PRELID2: variants seen among roughly 807,000 people sequenced by gnomAD.
The protein encoded by PRELID2 is PRELI domain-containing protein 2.
Under a neutral mutation model 28.4 loss-of-function variants are expected in PRELID2, and 25 were observed. The observed-to-expected ratio is 0.88, with a 90% confidence interval of 0.64 to 1.23. The LOEUF (loss-of-function observed/expected upper bound fraction) is 1.23. PRELID2 is among the 50% of genes most tolerant of loss of function. The pLI, the probability that PRELID2 is intolerant of heterozygous loss-of-function variation, is 0.00. For synonymous variants in PRELID2, 76 were observed against 71.6 expected (o/e 1.06, Z -0.31); for missense variants, 201 against 214.4 (o/e 0.94, Z 0.39).
chr5:145,637,160 G>T (rs1338390809), intron 1 of PRELID2, among the ~76,000 whole-genome samples: 1 of 151,982 alleles, frequency 6.6e-6, no homozygotes, highest in Non-Finnish European at 1.5e-5. Flanking sequence ...CAGTTCTAAA[G>T]GTCTTCAGGT....
At chr5:145,623,875 G>A (rs1561523485) in intron 1 of PRELID2, among the ~76,000 whole-genome samples, 1 of 152,120 alleles carries the variant, frequency 6.6e-6, no homozygotes, top group Non-Finnish European at 1.5e-5. Flanking sequence ...TGTCTGCCAG[G>A]AGTTAGCATC....
the PRELID2 span, among the ~76,000 whole-genome samples, chr5:145,370,646 A>G: frequency 6.6e-6 from 1 of 152,070 alleles, no homozygotes; most frequent in Non-Finnish European, 1.5e-5. Flanking sequence ...TAGTTTTTCT[A>G]ATTCTGCGAA....
intron 1 of PRELID2, among the ~76,000 whole-genome samples, chr5:145,549,338 G>T (rs1435682952): frequency 6.6e-6 from 1 of 152,144 alleles, no homozygotes; most frequent in African/African-American, 2.4e-5. Context: ...ATGAATGAAT[G>T]AACTTAAATA....
chr5:145,364,218 G>A, the PRELID2 span, among the ~76,000 whole-genome samples: 5 of 152,010 alleles, frequency 3.3e-5, no homozygotes, highest in Admixed American at 6.6e-5. Context: ...GTATTCTGTC[G>A]ATATCCAAAT....
chr5:145,688,656 CA>C (rs1340186259), intron 1 of PRELID2, among the ~76,000 whole-genome samples: 2 of 152,278 alleles, frequency 1.3e-5, no homozygotes, highest in African/African-American at 4.8e-5. Context: ...ATGTTCTTAG[CA>C]AAAGAAACTG....
chr5:145,398,430 C>T, the PRELID2 span, among the ~76,000 whole-genome samples: 18 of 152,048 alleles, frequency 1.2e-4, no homozygotes, highest in African/African-American at 4.1e-4. Context: ...CTGAAGGCCT[C>T]CCCTACCTCC....
chr5:145,306,587 G>C, the PRELID2 span, among the ~76,000 whole-genome samples: 31 of 151,772 alleles, frequency 2.0e-4, no homozygotes, highest in Admixed American at 2.0e-3. Context: ...TTACTTCTTT[G>C]ATGAAAATAC....
the PRELID2 span, among the ~76,000 whole-genome samples, chr5:145,441,388 C>T: frequency 2.6e-5 from 4 of 152,002 alleles, no homozygotes; most frequent in African/African-American, 7.2e-5. Context: ...CCATCTCTTG[C>T]CACCATACAT....
the PRELID2 span, among the ~76,000 whole-genome samples, chr5:145,463,161 AT>A: frequency 6.6e-6 from 1 of 152,016 alleles, no homozygotes; most frequent in African/African-American, 2.4e-5. Context: ...ACAAAGAATA[AT>A]TTTTTGTTTG....
chr5:145,626,774 A>G (rs1187273333), intron 1 of PRELID2, among the ~76,000 whole-genome samples: 1 of 152,162 alleles, frequency 6.6e-6, no homozygotes, highest in African/African-American at 2.4e-5. Context: ...GAATCAACCT[A>G]AGTATCCATC....
the PRELID2 span, among the ~76,000 whole-genome samples, chr5:145,318,402 C>A: frequency 1.9e-4 from 29 of 152,314 alleles, no homozygotes; most frequent in African/African-American, 6.3e-4. Context: ...ATTATGTCTA[C>A]ATCAGTTGGG....
In PRELID2 at chr5:145,683,843, AAC is replaced by A. The variant is rs764733463; in HGVS notation, n.70+81086_70+81087del. On this transcript the variant is annotated intron_variant and non_coding_transcript_variant, in intron 1 of 2. Coordinates refer to the PRELID2 transcript ENST00000510259. ...GGGCTGCTTGGTCACTGGCCAGTAG[AAC>A]GAGCTGCTGATTGTATAGAACAGCA... Among the ~76,000 whole-genome samples, 7 of 152,302 alleles carry A rather than the reference AAC, an allele frequency of 4.6e-5. 1 individual carries two copies. The Middle Eastern group carries it at 0.01, about 222-fold the overall frequency.
chr5:145,631,927 T>C (rs1172267390), intron 1 of PRELID2, among the ~76,000 whole-genome samples: 4 of 152,178 alleles, frequency 2.6e-5, no homozygotes, highest in African/African-American at 7.2e-5. Context: ...ACAGTGACCA[T>C]TGCACCTGCA....
chr5:145,418,273 T>C, the PRELID2 span, among the ~76,000 whole-genome samples: 1 of 152,272 alleles, frequency 6.6e-6, no homozygotes, highest in Non-Finnish European at 1.5e-5. Flanking sequence ...ACCATCCTCA[T>C]GATTAGGAAG....
chr5:145,764,294 T>A (rs1023311858), intron 6 of PRELID2, among the ~76,000 whole-genome samples: 1 of 152,160 alleles, frequency 6.6e-6, no homozygotes, highest in African/African-American at 2.4e-5. Context: ...TCCCCCACTA[T>A]CTGTTAACCC....
intron 5 of PRELID2, among the ~76,000 whole-genome samples, chr5:145,783,666 A>G (rs1316056079): frequency 6.6e-6 from 1 of 152,194 alleles, no homozygotes; most frequent in Non-Finnish European, 1.5e-5. Flanking sequence ...ATAGGGAAAA[A>G]ATATTTCATC....
the PRELID2 span, among the ~76,000 whole-genome samples, chr5:145,285,731 G>T: frequency 6.6e-6 from 1 of 152,118 alleles, no homozygotes; most frequent in South Asian, 2.1e-4. Flanking sequence ...CTAGCACACA[G>T]GTTTCCCTCT....
chr5:145,643,611 C>A (rs1754146919), intron 1 of PRELID2, among the ~76,000 whole-genome samples: 1 of 152,144 alleles, frequency 6.6e-6, no homozygotes, highest in South Asian at 2.1e-4. Context: ...GGGAATGCTT[C>A]CAGTTTTTTC....
intron 1 of PRELID2, among the ~76,000 whole-genome samples, chr5:145,590,219 C>T (rs1281459070): frequency 1.3e-5 from 2 of 152,152 alleles, no homozygotes; most frequent in African/African-American, 4.8e-5. Flanking sequence ...GGTCCTCCCC[C>T]AGATTATTGG....
Sources: allele counts gnomAD v4.1 joint callset (sites outside exome capture counted in the v4.1 genomes callset), GRCh38; gene constraint gnomAD v4.1.1; transcripts MANE v1.5; gene names NCBI Gene and HGNC (gene_info 2026-07-23, HGNC 2026-07-21).